Variants in ORMDL1 observed in about 807,000 individuals in gnomAD.
The protein encoded by ORMDL1 is ORMDL sphingolipid biosynthesis regulator 1.
A neutral mutation model predicts 13.0 loss-of-function variants in ORMDL1; 10 were observed. The ratio of observed to expected loss-of-function variants is 0.77; its 90% CI spans 0.47 to 1.30. The LOEUF is 1.30. Among genes scored for constraint, ORMDL1 ranks in the 50% most tolerant of loss-of-function variants. The pLI, the probability that ORMDL1 is intolerant of heterozygous loss-of-function variation, is 0.00. For missense variants in ORMDL1, 171 were observed against 186.7 expected, an observed-to-expected ratio of 0.92 and a Z score of 0.49; for synonymous variants, 61 against 63.9, an observed-to-expected ratio of 0.95 and a Z score of 0.22.
At chr2:189,781,115 G>C (rs1299943340) in intron 3 of ORMDL1, among the ~76,000 whole-genome samples, 1 of 151,888 alleles carries the variant, frequency 6.6e-6, no homozygotes, top group African/African-American at 2.4e-5. Flanking sequence ...AGAATTTCAG[G>C]CTTCACCATG....
chr2:189,772,848 G>A (rs1194498300), intron 4 of ORMDL1, among the ~76,000 whole-genome samples: 1 of 152,148 alleles, frequency 6.6e-6, no homozygotes, highest in Admixed American at 6.5e-5. Flanking sequence ...TTCCAAGTAT[G>A]ACAAAAAACA....
At position 189,782,589 on chromosome 2, in the gene ORMDL1, C is replaced by T. The variant is rs1055616809; in HGVS notation, c.7G>A (p.Val3Ile). The T allele has an allele frequency of 1.2e-6, 2 of 1,613,798 alleles. No individual in the cohort carries two copies. Among genetic ancestry groups the T allele is most frequent in the Non-Finnish European group, 8.5e-7 (1 of 1,179,760 alleles). Reference sequence around the variant, plus strand: ...TTCACTTCACTGTGGGCAACTCCAACGTTCATGTTTGCTCTGTAGGAAGTA... The same window carrying T: ...TTCACTTCACTGTGGGCAACTCCAATGTTCATGTTTGCTCTGTAGGAAGTA... MNVGVAHSEVNPN... is the reference protein window; with the variant it reads MNIGVAHSEVNPN... Residue 3 changes from valine to isoleucine, a missense_variant, in exon 3 of 5, where the codon GTT (valine) becomes ATT (isoleucine). By Grantham distance (29) the Val-to-Ile change is conservative. Coordinates refer to ENST00000392349, the MANE Select transcript of ORMDL1 (RefSeq NM_016467.5).
At chr2:189,779,920 C>G (rs568152249) in intron 3 of ORMDL1, among the ~76,000 whole-genome samples, 2 of 152,296 alleles carry the variant, frequency 1.3e-5, no homozygotes, top group African/African-American at 4.8e-5. Flanking sequence ...TATACCTAAT[C>G]TCTTGTAGTA....
In ORMDL1 at chr2:189,770,598, T is replaced by C. The variant is rs1472336590; in HGVS notation, c.*1169A>G. ...TATCTGAACTTTGTTTTTTTTGACA[T>C]GTTTACTTCTCAAAGTAGTATATAG... On this transcript the variant is annotated 3_prime_UTR_variant, in exon 5 of 5. Coordinates refer to ENST00000392349, the MANE Select transcript of ORMDL1 (RefSeq NM_016467.5). The C allele has an allele frequency of 2.0e-5, 3 of 152,226 alleles. No individual in the cohort carries two copies. In the East Asian group the frequency reaches 5.8e-4, roughly 29 times the overall value. 9.4% of individuals were successfully genotyped at this position (152,226 alleles called of 1,614,324 possible). A position where few individuals can be genotyped will look rare whatever the true frequency, so the allele number is the denominator to read the frequency against.
chr2:189,783,892 T>C (rs1309081910), intron 1 of ORMDL1, among the ~76,000 whole-genome samples: 1 of 152,184 alleles, frequency 6.6e-6, no homozygotes, highest in African/African-American at 2.4e-5. Flanking sequence ...GAAGAGGCTG[T>C]TGGCTCTGCC....
At chr2:189,764,727 T>A in the ORMDL1 span, 4 of 152,186 alleles carry the variant, frequency 2.6e-5, no homozygotes, top group African/African-American at 9.7e-5. Flanking sequence ...TCCAGCTGAA[T>A]CTAGATATGC....
downstream of ORMDL1, among the ~76,000 whole-genome samples, chr2:189,768,585 A>C (rs1296620203): frequency 6.6e-6 from 1 of 152,242 alleles, no homozygotes; most frequent in East Asian, 1.9e-4. Flanking sequence ...TCAATTTCAT[A>C]TGTGAAGGGT....
intron 3 of ORMDL1, among the ~76,000 whole-genome samples, chr2:189,779,337 G>C (rs1428022135): frequency 1.3e-5 from 2 of 152,140 alleles, no homozygotes; most frequent in Non-Finnish European, 2.9e-5. Context: ...AATTAGCCGG[G>C]TGTGGTGGCA....
At chr2:189,776,150 A>G (rs1258570106) in intron 3 of ORMDL1, among the ~76,000 whole-genome samples, 2 of 152,216 alleles carry the variant, frequency 1.3e-5, no homozygotes, top group Admixed American at 6.5e-5. Flanking sequence ...AGAAAACAAT[A>G]AAATGATTAA....
At position 189,771,375 on chromosome 2, in the gene ORMDL1, G is replaced by A. The variant is rs2047575539; in HGVS notation, c.*392C>T. ...AGGATTCCGGTTTACATGTAAGTCT[G>A]CTTTAAATAACCACAGCTGAATGAC... On this transcript the variant is annotated 3_prime_UTR_variant, in exon 5 of 5. Transcript: ENST00000392349. 1 of 155,320 alleles carries A rather than the reference G, an allele frequency of 6.4e-6. No homozygotes were observed. Among genetic ancestry groups the A allele is most frequent in the South Asian group, 2.0e-4 (1 of 4,906 alleles). The allele number at this position is 155,320 out of a possible 1,614,324, so 9.6% of individuals were successfully genotyped here.
downstream of ORMDL1, among the ~76,000 whole-genome samples, chr2:189,766,109 G>C (rs1287776988): frequency 6.6e-6 from 1 of 152,172 alleles, no homozygotes; most frequent in Non-Finnish European, 1.5e-5. Flanking sequence ...ACAGGCGTGA[G>C]CCACCACGCC....
At chr2:189,781,083 G>T (rs2047815304) in intron 3 of ORMDL1, among the ~76,000 whole-genome samples, 2 of 151,826 alleles carry the variant, frequency 1.3e-5, no homozygotes, top group South Asian at 4.2e-4. Context: ...CCAGGCTAAG[G>T]TTTTGTATTT....
chr2:189,776,419 A>G (rs1276239468), intron 3 of ORMDL1, among the ~76,000 whole-genome samples: 1 of 152,158 alleles, frequency 6.6e-6, no homozygotes, highest in Non-Finnish European at 1.5e-5. Flanking sequence ...TAGGGTAGAA[A>G]AAAACCAATC....
chr2:189,773,722 CAAA>C (rs56366510), intron 4 of ORMDL1, among the ~76,000 whole-genome samples: 1 of 64,318 alleles, frequency 1.6e-5, no homozygotes, highest in African/African-American at 6.4e-5. Flanking sequence ...ACTCTTGTCT[CAAA>C]AAAAAAAAAA....
chr2:189,781,020 T>C (rs2047814192), intron 3 of ORMDL1, among the ~76,000 whole-genome samples: 1 of 152,140 alleles, frequency 6.6e-6, no homozygotes. Flanking sequence ...CTCAAGCGAT[T>C]CTCCTACCTC....
rs377294370 is a variant in ORMDL1 at position 189,775,609 on chromosome 2, C to G, written c.282G>C (p.Gln94His). 7 of 1,612,396 alleles carry G rather than the reference C, an allele frequency of 4.3e-6. No homozygotes were observed. The African/African-American group carries it at 9.4e-5, about 22-fold the overall frequency. The change falls in exon 4 of 5, where the codon CAG becomes CAC. Residue 94 changes from glutamine to histidine, a missense_variant. Coordinates refer to ENST00000392349, the MANE Select transcript of ORMDL1 (RefSeq NM_016467.5). ...THWEQLDYGV[Q>H]FTSSRKFFTI... ...TGAAAAACTTCCGTGAAGATGTAAA[C>G]TGTACTCCATAGTCCAGTTGTTCCC...
chr2:189,767,317 G>C (rs2106133581), downstream of ORMDL1, among the ~76,000 whole-genome samples: 1 of 152,320 alleles, frequency 6.6e-6, no homozygotes, highest in Admixed American at 6.5e-5. Context: ...TTCTAGGAGA[G>C]ACAAATGTTT....
chr2:189,775,621 G>A lies in ORMDL1; in HGVS notation c.270C>T (p.Asp90=). Residue 90 remains aspartate (D), a synonymous_variant, in exon 4 of 5, where the codon GAC becomes GAT. Transcript: ENST00000392349. ...GTGAAGATGTAAACTGTACTCCATA[G>A]TCCAGTTGTTCCCAATGAGTTAGGA... ...ARLLTHWEQL[D]YGVQFTSSRK... 2 of 1,613,940 alleles carry A rather than the reference G, an allele frequency of 1.2e-6. No homozygotes were observed. Among genetic ancestry groups the A allele is most frequent in the African/African-American group, 2.7e-5 (2 of 75,030 alleles).
At chr2:189,774,749 A>G (rs2047656279) in intron 4 of ORMDL1, 1 of 152,214 alleles carries the variant, frequency 6.6e-6, no homozygotes, top group South Asian at 2.1e-4. Context: ...GCTGGGGAAA[A>G]AAGGAGGAGG....
Sources: gnomAD v4.1 joint callset for allele counts (sites outside exome capture counted in the v4.1 genomes callset) on GRCh38, gnomAD v4.1.1 for gene constraint, MANE v1.5 for transcripts, NCBI Gene and HGNC (gene_info 2026-07-23, HGNC 2026-07-21) for gene names.